Variants in FBN1 observed in about 807,000 individuals in gnomAD.
FBN1 encodes fibrillin 1.
In FBN1, 29 loss-of-function variants were observed where a neutral mutation model predicts 365.1. That is an observed-to-expected ratio of 0.08 (90% confidence interval 0.06 to 0.11). The LOEUF is 0.11. Among genes scored for constraint, FBN1 ranks in the 10% least tolerant of loss-of-function variants. The pLI is 1.00. For synonymous variants in FBN1, 1,210 were observed against 1,270.5 expected (o/e 0.95, Z 1.01); for missense variants, 2,476 against 3,703.2 (o/e 0.67, Z 8.60).
chr15:48,561,206 G>A (rs907575997), intron 6 of FBN1, among the ~76,000 whole-genome samples: 2 of 152,112 alleles, frequency 1.3e-5, no homozygotes, highest in African/African-American at 4.8e-5. Context: ...AAAACTAGCT[G>A]AATGTGCAGT....
chr15:48,585,727 A>G (rs1008568997), intron 6 of FBN1, among the ~76,000 whole-genome samples: 4 of 152,226 alleles, frequency 2.6e-5, no homozygotes, highest in Admixed American at 6.5e-5. Context: ...TGACTGAAAG[A>G]CTATACATAA....
chr15:48,512,766 GT>G (rs371503564), intron 13 of FBN1, among the ~76,000 whole-genome samples: 2,010 of 146,544 alleles, frequency 0.014, 44 homozygotes, highest in African/African-American at 0.047. Flanking sequence ...GTATTTGCCT[GT>G]TTTTTTTTTC....
chr15:48,629,662 G>C (rs1052926942), intron 2 of FBN1, among the ~76,000 whole-genome samples: 6 of 152,196 alleles, frequency 3.9e-5, no homozygotes, highest in African/African-American at 1.4e-4. Context: ...CAATGAGGGA[G>C]AGAAGAAGTA....
intron 51 of FBN1, 35 bp from the exon 52 acceptor site, chr15:48,437,422 T>C (rs561714171): frequency 2.6e-5 from 39 of 1,515,652 alleles, no homozygotes; most frequent in East Asian, 1.6e-4. Context: ...GATAGAACAA[T>C]AGCAATTCAT....
chr15:48,556,208 G>C (rs778065862), intron 6 of FBN1, among the ~76,000 whole-genome samples: 55 of 152,176 alleles, frequency 3.6e-4, no homozygotes, highest in Admixed American at 7.9e-4. Context: ...GTTAGTGACT[G>C]TCTATACCAC....
chr15:48,561,642 C>T (rs2044222981), intron 6 of FBN1, among the ~76,000 whole-genome samples: 1 of 152,118 alleles, frequency 6.6e-6, no homozygotes, highest in Non-Finnish European at 1.5e-5. Context: ...ACTTTATCAA[C>T]AATTTTTGAT....
At position 48,474,293 on chromosome 15, in the gene FBN1, C is replaced by A. The variant is rs1352478541; in HGVS notation, c.4172G>T (p.Cys1391Phe). The A allele has an allele frequency of 6.2e-7, 1 of 1,614,112 alleles. No individual in the cohort carries two copies. Among genetic ancestry groups the A allele is most frequent in the Non-Finnish European group, 8.5e-7 (1 of 1,179,994 alleles). Reference sequence around the variant, plus strand: ...GCCATCACCTGTGTATCCTTCCTTGCACAGACAGCGGTAAGATCCCATGGT... The same window carrying A: ...GCCATCACCTGTGTATCCTTCCTTGAACAGACAGCGGTAAGATCCCATGGT... ...KNTMGSYRCLCKEGYTGDGFT... is the reference protein window; with the variant it reads ...KNTMGSYRCLFKEGYTGDGFT... Residue 1391 changes from cysteine to phenylalanine, a missense_variant, in exon 34 of 66, where the codon TGC (cysteine) becomes TTC (phenylalanine). Physicochemically the swap from Cys to Phe is radical, Grantham distance 205 (BLOSUM62 -2). Coordinates refer to ENST00000316623, the MANE Select transcript of FBN1 (RefSeq NM_000138.5).
intron 2 of FBN1, among the ~76,000 whole-genome samples, chr15:48,640,120 T>C (rs1259237017): frequency 6.6e-6 from 1 of 152,192 alleles, no homozygotes; most frequent in African/African-American, 2.4e-5. Context: ...TGTACTCCAT[T>C]TCCATCAGCT....
chr15:48,547,720 TTC>T (rs2044105609), intron 6 of FBN1, among the ~76,000 whole-genome samples: 2 of 68,304 alleles, frequency 2.9e-5, no homozygotes, highest in African/African-American at 1.1e-4. Context: ...TCTTCTCTCT[TTC>T]ACACACACAC....
At chr15:48,463,347 T>C (rs942336492) in intron 41 of FBN1, 107 bp from the exon 42 acceptor site, 6 of 1,121,476 alleles carry the variant, frequency 5.4e-6, no homozygotes, top group Non-Finnish European at 6.8e-6. Context: ...TTGAATTGTA[T>C]TGTAGCTTGA....
chr15:48,432,924 T>G lies in FBN1; in HGVS notation c.6681A>C (p.Ser2227=), dbSNP rs363824. The G allele has an allele frequency of 8.9e-4, 1,440 of 1,613,764 alleles. 6 individuals carry two copies. In the Middle Eastern group the frequency reaches 0.019, roughly 21 times the overall value. Residue 2227 remains serine, a synonymous_variant, in exon 55 of 66, where the codon TCA becomes TCC. Transcript: ENST00000316623. The part of the protein sequence containing the change: ...CAFRCVNTYG[S]YECKCPVGYV... ...ATCCCACGGGACATTTGCATTCATATGACCCATAAGTGTTCACACATCGGA... is the reference window on the plus strand; with the variant it reads ...ATCCCACGGGACATTTGCATTCATAGGACCCATAAGTGTTCACACATCGGA...
chr15:48,548,617 T>C (rs933736064), intron 6 of FBN1, among the ~76,000 whole-genome samples: 12 of 152,224 alleles, frequency 7.9e-5, no homozygotes, highest in Admixed American at 2.0e-4. Flanking sequence ...CTGTTCCCTC[T>C]TACCACTTAC....
chr15:48,527,028 T>C (rs1301599554), intron 8 of FBN1, among the ~76,000 whole-genome samples: 2 of 152,178 alleles, frequency 1.3e-5, no homozygotes, highest in African/African-American at 4.8e-5. Flanking sequence ...CCTGCCCCAA[T>C]GGGAGACAAC....
intron 6 of FBN1, among the ~76,000 whole-genome samples, chr15:48,577,484 G>T (rs2044358052): frequency 6.6e-6 from 1 of 151,990 alleles, no homozygotes; most frequent in Middle Eastern, 3.2e-3. Context: ...ATTCCAAGGG[G>T]GGGCATTCAA....
At chr15:48,513,422 CA>C (rs1291183874) in intron 13 of FBN1, 126 bp downstream of exon 13, 30 of 1,379,440 alleles carry the variant, frequency 2.2e-5, no homozygotes, top group Non-Finnish European at 2.7e-5. Context: ...GAACTAAGTT[CA>C]AAAAAGCCAC....
At position 48,415,614 on chromosome 15, in the gene FBN1, G is replaced by A. The variant is rs1348007486; in HGVS notation, c.7973C>T (p.Pro2658Leu). 1.2e-6 allele frequency: 2 copies of A among 1,614,220 alleles called. No individual in the cohort carries two copies. Among genetic ancestry groups the A allele is most frequent in the Non-Finnish European group, 1.7e-6 (2 of 1,180,042 alleles). The change falls in exon 64 of 66, where the codon CCC becomes CTC. Residue 2658 changes from proline to leucine, a missense_variant. Pro to Leu is a moderately conservative substitution (Grantham distance 98). Coordinates refer to ENST00000316623, the MANE Select transcript of FBN1 (RefSeq NM_000138.5). ...DINECGSAQA[P>L]CSYGCSNTEG... ...GGTATTGGAACAGCCATAGCTGCAG[G>A]GGGCCTGCGCAGAGCCACATTCATT... is the stretch of plus-strand genomic sequence containing the variant.
chr15:48,425,814 C>T lies in FBN1; in HGVS notation c.7255G>A (p.Val2419Ile). ...CAATGATATGATCCTCTGTCATTGA[C>T]ACATTCCCCATTTCGGCAAACATCG... ...IHDVCRNGEC[V>I]NDRGSYHCIC... The change falls in exon 59 of 66, where the codon GTC (valine) becomes ATC (isoleucine). Residue 2419 changes from valine to isoleucine, a missense_variant. Around this residue, in one of 5 missense-constraint regions of FBN1, gnomAD observed 1,780 missense variants for 2,840.8 expected, o/e 0.63. Transcript: ENST00000316623. The T allele has an allele frequency of 6.2e-7, 1 of 1,611,778 alleles. No homozygotes were observed. The highest frequency in any genetic ancestry group is 8.5e-7 in the Non-Finnish European group (1 of 1,177,908).
intron 9 of FBN1, among the ~76,000 whole-genome samples, chr15:48,524,295 G>C (rs994517831): frequency 6.6e-6 from 1 of 152,162 alleles, no homozygotes; most frequent in Admixed American, 6.5e-5. Context: ...GTGACAGTTG[G>C]AATTTTACGG....
intron 55 of FBN1, among the ~76,000 whole-genome samples, 171 bp downstream of exon 55, chr15:48,432,695 A>G (rs2043032763): frequency 6.6e-6 from 1 of 152,152 alleles, no homozygotes; most frequent in Non-Finnish European, 1.5e-5. Flanking sequence ...TGGCTTGATG[A>G]TGCTTCCAGC....
Sources: gnomAD v4.1 joint callset for allele counts (sites outside exome capture counted in the v4.1 genomes callset) on GRCh38, gnomAD v4.1.1 for gene constraint, gnomAD v4.1.1 regional missense constraint, MANE v1.5 for transcripts, NCBI Gene and HGNC (gene_info 2026-07-23, HGNC 2026-07-21) for gene names.